PHLPP2: variants seen among roughly 807,000 people sequenced by gnomAD.
PHLPP2 encodes PH domain and leucine rich repeat protein phosphatase 2, also known as PH domain leucine-rich repeat-containing protein phosphatase 2.
Under a neutral mutation model 124.9 loss-of-function variants are expected in PHLPP2, and 66 were observed. The ratio of observed to expected loss-of-function variants is 0.53; its 90% CI spans 0.43 to 0.65. The LOEUF is 0.65. Among genes scored for constraint, PHLPP2 ranks in the 30% least tolerant of loss-of-function variants. PHLPP2 has a pLI of 0.00. For missense variants in PHLPP2, 1,685 were observed against 1,600.4 expected (o/e 1.05, Z -0.90); for synonymous variants, 681 against 624.7 (o/e 1.09, Z -1.34).
intron 3 of PHLPP2, among the ~76,000 whole-genome samples, chr16:71,692,311 C>T (rs1035758235): frequency 3.3e-5 from 5 of 152,090 alleles, no homozygotes; most frequent in African/African-American, 4.8e-5. Flanking sequence ...CCTCGTGATC[C>T]GCCTGCCTCG....
rs756755948 is a variant in PHLPP2 at position 71,655,263 on chromosome 16, A to G, written c.2562T>C (p.Ala854=). 1.2e-6 allele frequency: 2 copies of G among 1,613,210 alleles called. No homozygotes were observed. Among genetic ancestry groups the G allele is most frequent in the Non-Finnish European group, 1.7e-6 (2 of 1,179,178 alleles). ...QQSTNDTVFM[A]NTFLVSHRKL... is the part of the protein sequence containing the mutation. ...ACCTGTGAGATACCAAGAAGGTGTT[A>G]GCCATGAAAACTGTGTCATTAGTTG... Residue 854 remains alanine, a synonymous_variant, in exon 17 of 19, where the codon GCT becomes GCC. Coordinates refer to ENST00000568954, the MANE Select transcript of PHLPP2 (RefSeq NM_015020.3).
chr16:71,672,263 G>C lies in PHLPP2; in HGVS notation c.1531C>G (p.Arg511Gly). The change falls in exon 10 of 19, where the codon CGA becomes GGA. Residue 511 changes from arginine to glycine, a missense_variant and splice_region_variant. Transcript: ENST00000568954. ...GCCACCCTCATGAAAGACACTCACC[G>C]GGAGAGATCCAAGAAAGTGAGCAGG... The part of the protein sequence containing the change: ...PSLLTFLDLS[R>G]NLLECVPDWA... 4 of 1,610,824 alleles carry C rather than the reference G, an allele frequency of 2.5e-6. No individual in the cohort carries two copies. Among genetic ancestry groups the C allele is most frequent in the Non-Finnish European group, 3.4e-6 (4 of 1,177,128 alleles).
In PHLPP2 at chr16:71,690,556, G is replaced by T. The variant is rs757331662; in HGVS notation, c.572C>A (p.Thr191Asn). The T allele has an allele frequency of 1.9e-6, 3 of 1,611,952 alleles. No individual in the cohort carries two copies. Among genetic ancestry groups the T allele is most frequent in the Middle Eastern group, 1.7e-4 (1 of 5,958 alleles). Residue 191 changes from threonine (T) to asparagine (N), a missense_variant, in exon 4 of 19, where the codon ACT becomes AAT. Thr to Asn is a moderately conservative substitution (Grantham distance 65). Transcript: ENST00000568954. ...CAGAGGCAAAATGTGCATCTTTCCA[G>T]TTTGACAATCCTTCACTGAGGAAAC... is the stretch of plus-strand genomic sequence containing the variant. ...LIVSSVKDCQ[T>N]GKMHILPLVG...
At chr16:71,696,514 G>A (rs550740442) in intron 3 of PHLPP2, among the ~76,000 whole-genome samples, 33 of 152,038 alleles carry the variant, frequency 2.2e-4, no homozygotes, top group Middle Eastern at 6.8e-3. Context: ...GTGGGTGCCT[G>A]TAGCTCCAGC....
In PHLPP2 at chr16:71,649,535, G is replaced by T; in HGVS notation, c.3327C>A (p.Ala1109=). ...AGCGCCGCTCTGGCCTCGGAAGCAA[G>T]GCAGTGTCCAGGCCCCCAGCATTAT... ...DEHNAGGLDT[A]LLPRPERRCS... is the part of the protein sequence containing the mutation. Residue 1109 remains alanine (A), a synonymous_variant, in exon 19 of 19, where the codon GCC becomes GCA. Coordinates refer to ENST00000568954, the MANE Select transcript of PHLPP2 (RefSeq NM_015020.3). The T allele has an allele frequency of 6.2e-7, 1 of 1,614,188 alleles. No individual in the cohort carries two copies. Among genetic ancestry groups the T allele is most frequent in the Non-Finnish European group, 8.5e-7 (1 of 1,180,038 alleles).
chr16:71,693,495 A>G (rs1352361551), intron 3 of PHLPP2, among the ~76,000 whole-genome samples: 1 of 152,280 alleles, frequency 6.6e-6, no homozygotes, highest in Non-Finnish European at 1.5e-5. Flanking sequence ...AGTCTCTCAC[A>G]TGAACAATTC....
chr16:71,657,266 T>C (rs1416535367), intron 15 of PHLPP2, among the ~76,000 whole-genome samples: 1 of 151,768 alleles, frequency 6.6e-6, no homozygotes, highest in Admixed American at 6.6e-5. Context: ...TTAATAGGGA[T>C]GGAGTTTTGT....
chr16:71,650,090 G>C, intron 18 of PHLPP2, 46 bp from the exon 19 acceptor site: 1 of 1,448,834 alleles, frequency 6.9e-7, no homozygotes, highest in Non-Finnish European at 9.5e-7. Flanking sequence ...GCAACGATGA[G>C]AGCCAACTTA....
In PHLPP2 at chr16:71,655,381, A is replaced by G. The variant is rs2145308036; in HGVS notation, c.2444T>C (p.Val815Ala). The part of the protein sequence containing the change: ...MDSFAEGVGA[V>A]YGMFDGDRNE... Reference sequence around the variant, plus strand: ...TCGGTCTCCATCAAACATGCCATACACAGCTCCCACCCCCTCTGCAAAGCT... The same window carrying G: ...TCGGTCTCCATCAAACATGCCATACGCAGCTCCCACCCCCTCTGCAAAGCT... Residue 815 changes from valine (V) to alanine (A), a missense_variant, in exon 17 of 19, where the codon GTG becomes GCG. Val to Ala is a moderately conservative substitution (Grantham distance 64). Coordinates refer to ENST00000568954, the MANE Select transcript of PHLPP2 (RefSeq NM_015020.3). 1.2e-6 allele frequency: 2 copies of G among 1,614,142 alleles called. No individual in the cohort carries two copies. The highest frequency in any genetic ancestry group is 1.7e-6 in the Non-Finnish European group (2 of 1,180,004).
At chr16:71,670,695 A>ACACACACACACACACAC (rs372978115) in intron 10 of PHLPP2, among the ~76,000 whole-genome samples, 4 of 128,938 alleles carry the variant, frequency 3.1e-5, no homozygotes, top group African/African-American at 8.9e-5. Context: ...AGAGGCTGAA[A>ACACACACACACACACAC]ACACACACAC....
At position 71,672,164 on chromosome 16, in the gene PHLPP2, A is replaced by G. The variant is rs368617133; in HGVS notation, c.1532+98T>C. Reference sequence around the variant, plus strand: ...TTTTTCCAGGTTATCCAAGTATTTCAAAATACTTAGATTTCTTGTACATCA... The same window carrying G: ...TTTTTCCAGGTTATCCAAGTATTTCGAAATACTTAGATTTCTTGTACATCA... On this transcript the variant is annotated intron_variant, in intron 10 of 18. Coordinates refer to ENST00000568954, the MANE Select transcript of PHLPP2 (RefSeq NM_015020.3). 4.9e-6 allele frequency: 4 copies of G among 819,986 alleles called. No homozygotes were observed. In the East Asian group the frequency reaches 7.8e-5, roughly 16 times the overall value. The allele number at this position is 819,986 out of a possible 1,614,324, so 50.8% of individuals were successfully genotyped here.
In PHLPP2 at chr16:71,649,686, G is replaced by A. The variant is rs2044681774; in HGVS notation, c.3176C>T (p.Thr1059Ile). 6.2e-7 allele frequency: 1 copy of A among 1,614,152 alleles called. No individual in the cohort carries two copies. The highest frequency in any genetic ancestry group is 8.5e-7 in the Non-Finnish European group (1 of 1,179,994). The change falls in exon 19 of 19, where the codon ACC (threonine) becomes ATC (isoleucine). Residue 1059 changes from threonine to isoleucine, a missense_variant. Physicochemically the swap from Thr to Ile is moderately conservative, Grantham distance 89. Coordinates refer to ENST00000568954, the MANE Select transcript of PHLPP2 (RefSeq NM_015020.3). ...TGGCTTAGGGGCATCCTTGATAGTG[G>A]TGGTTGAAGCAAATCCCACAGGACC... ...LPGPVGFAST[T>I]TIKDAPKPAT...
intron 2 of PHLPP2, among the ~76,000 whole-genome samples, chr16:71,709,354 C>A (rs1467905194): frequency 2.6e-5 from 4 of 152,018 alleles, no homozygotes; most frequent in South Asian, 2.1e-4. Flanking sequence ...GTTATACACA[C>A]CCTATTGGTT....
In PHLPP2 at chr16:71,667,158, A is replaced by G; in HGVS notation, c.1784+20T>C. Reference sequence around the variant, plus strand: ...TAGCCAATGATTCTGCTCTTCCGAAAAAAATCCTATGATACTTACTTTAAG... The same window carrying G: ...TAGCCAATGATTCTGCTCTTCCGAAGAAAATCCTATGATACTTACTTTAAG... On this transcript the variant is annotated intron_variant, in intron 12 of 18. Transcript: ENST00000568954. 6.2e-7 allele frequency: 1 copy of G among 1,601,360 alleles called. No homozygotes were observed. Among genetic ancestry groups the G allele is most frequent in the South Asian group, 1.1e-5 (1 of 89,238 alleles).
In PHLPP2 at chr16:71,644,941, G is replaced by C. The variant is rs1296010382; in HGVS notation, c.*3949C>G. 1.2e-5 allele frequency: 4 copies of C among 321,234 alleles called. No individual in the cohort carries two copies. Among genetic ancestry groups the C allele is most frequent in the Non-Finnish European group, 2.5e-5 (4 of 161,924 alleles). 19.9% of individuals were successfully genotyped at this position (321,234 alleles called of 1,614,324 possible). ...GCACTCCATTTTAAAACAAAGCCAT[G>C]AAAAAGATTCCACTTTATTTTATTT... On this transcript the variant is annotated 3_prime_UTR_variant, in exon 19 of 19. Transcript: ENST00000568954.
rs1487671519 is a variant in PHLPP2, at chr16:71,724,501, C to G, written c.-179G>C. ...TGCTCTGCTTCAAGCAGTAATATGG[C>G]CTGTGACCCGGTTTATGATTTATTT... is the stretch of plus-strand genomic sequence containing the variant. On this transcript the variant is annotated 5_prime_UTR_variant, in exon 1 of 19. Transcript: ENST00000568954. The G allele has an allele frequency of 6.6e-6, 1 of 152,198 alleles. No homozygotes were observed. Among genetic ancestry groups the G allele is most frequent in the Non-Finnish European group, 1.5e-5 (1 of 68,034 alleles). The allele number at this position is 152,198 out of a possible 1,614,324, so 9.4% of individuals were successfully genotyped here. A position where few individuals can be genotyped will look rare whatever the true frequency, so the allele number is the denominator to read the frequency against.
At chr16:71,683,336 A>C (rs945621717) in intron 5 of PHLPP2, among the ~76,000 whole-genome samples, 29 of 152,212 alleles carry the variant, frequency 1.9e-4, no homozygotes, top group Non-Finnish European at 2.8e-4. Flanking sequence ...AATTATGTTG[A>C]AAGACTAATT....
rs1339067160 is a variant in PHLPP2 at position 71,647,241 on chromosome 16, T to A, written c.*1649A>T. The A allele has an allele frequency of 6.6e-6, 1 of 152,594 alleles. No individual in the cohort carries two copies. The highest frequency in any genetic ancestry group is 2.4e-5 in the African/African-American group (1 of 41,434). The allele number at this position is 152,594 out of a possible 1,614,324, so 9.5% of individuals were successfully genotyped here. ...ATAGGAATTAATTTTCCTAAGCAAA[T>A]CTTCCAATGGAAAAAGTGACAGAAG... On this transcript the variant is annotated 3_prime_UTR_variant, in exon 19 of 19. Transcript: ENST00000568954.
At chr16:71,687,178 G>A (rs1448591434) in intron 4 of PHLPP2, among the ~76,000 whole-genome samples, 2 of 152,122 alleles carry the variant, frequency 1.3e-5, no homozygotes, top group African/African-American at 4.8e-5. Flanking sequence ...TGAGGTTGAA[G>A]ATCTTTTCAT....
Sources: gnomAD v4.1 joint callset for allele counts (sites outside exome capture counted in the v4.1 genomes callset) on GRCh38, gnomAD v4.1.1 for gene constraint, MANE v1.5 for transcripts, NCBI Gene and HGNC (gene_info 2026-07-23, HGNC 2026-07-21) for gene names.